Variants in ADGRL3 observed in about 807,000 individuals in gnomAD.
ADGRL3 encodes the protein calcium-independent alpha-latrotoxin receptor 3.
A neutral mutation model predicts 153.5 loss-of-function variants in ADGRL3; 62 were observed. The observed-to-expected ratio is 0.40, with a 90% CI of 0.33 to 0.50. ADGRL3 has a LOEUF of 0.50. Among genes scored for constraint, ADGRL3 ranks in the 20% least tolerant of loss-of-function variants. The probability of loss-of-function intolerance (pLI) is 0.47; values close to 1 mark genes in which losing one functional copy is unlikely to be tolerated. For missense variants in ADGRL3, 1,641 were observed against 1,859.4 expected (o/e 0.88, Z 2.16); for synonymous variants, 710 against 672.5 (o/e 1.06, Z -0.86).
intron 4 of ADGRL3, among the ~76,000 whole-genome samples, chr4:61,560,369 C>T (rs1422619898): frequency 6.6e-6 from 1 of 151,982 alleles, no homozygotes; most frequent in Non-Finnish European, 1.5e-5. Flanking sequence ...ATTTCCTTTC[C>T]ACTTCAAAGT....
chr4:61,936,952 A>C (rs190993335), intron 15 of ADGRL3, among the ~76,000 whole-genome samples: 121 of 152,314 alleles, frequency 7.9e-4, no homozygotes, highest in Admixed American at 2.9e-3. Flanking sequence ...AATGATATCA[A>C]GAAAAACAAC....
intron 9 of ADGRL3, among the ~76,000 whole-genome samples, chr4:61,848,542 T>G (rs1237105124): frequency 6.6e-6 from 1 of 152,056 alleles, no homozygotes; most frequent in Non-Finnish European, 1.5e-5. Flanking sequence ...TTAATTGAAT[T>G]ACATCTACGA....
chr4:61,536,280 G>A (rs2098655465), intron 4 of ADGRL3, among the ~76,000 whole-genome samples: 1 of 151,984 alleles, frequency 6.6e-6, no homozygotes, highest in Non-Finnish European at 1.5e-5. Flanking sequence ...CGAGTTTATT[G>A]AGACGTGCTT....
intron 4 of ADGRL3, 84 bp from the exon 5 acceptor site, chr4:61,587,143 C>T: frequency 1.2e-6 from 1 of 828,142 alleles, no homozygotes; most frequent in Non-Finnish European, 1.9e-6. Context: ...TGATTTACCC[C>T]AAACATTGGA....
At chr4:61,299,470 A>G (rs1399235435) in intron 1 of ADGRL3, among the ~76,000 whole-genome samples, 1 of 152,218 alleles carries the variant, frequency 6.6e-6, no homozygotes, top group Non-Finnish European at 1.5e-5. Flanking sequence ...ATGCTGACTC[A>G]GATTATCAGT....
chr4:61,760,332 T>C (rs1374656536), intron 8 of ADGRL3, among the ~76,000 whole-genome samples: 1 of 152,148 alleles, frequency 6.6e-6, no homozygotes, highest in East Asian at 1.9e-4. Flanking sequence ...AGCAGCTTTG[T>C]TTACCTACTC....
chr4:61,435,315 G>A lies in ADGRL3; in HGVS notation c.-174+52126G>A, dbSNP rs187832258. Among the ~76,000 whole-genome samples the A allele has an allele frequency of 1.0e-3, 152 of 152,048 alleles. 1 individual carries two copies. Among genetic ancestry groups the A allele is most frequent in the South Asian group, 1.5e-3 (7 of 4,814 alleles). ...AATAGAAGTATGTAATTTTTCCAAA[G>A]GAGTTCATGATCATTACTATAAATA... is the stretch of plus-strand genomic sequence containing the variant. On this transcript the variant is annotated intron_variant, in intron 2 of 26. Coordinates refer to ENST00000683033, the MANE Select transcript of ADGRL3 (RefSeq NM_001387552.1).
chr4:61,909,664 C>A lies in ADGRL3; in HGVS notation c.1992C>A (p.Asp664Glu), dbSNP rs759611747. ...GDITYSVRAM[D>E]QLVGLLDVQL... is the part of the protein sequence containing the mutation. ...TCACCTACTCTGTCCGGGCCATGGACCAGCTGGTAGGCCTCCTAGATGTAC... is the reference window on the plus strand; with the variant it reads ...TCACCTACTCTGTCCGGGCCATGGAACAGCTGGTAGGCCTCCTAGATGTAC... Residue 664 changes from aspartate (D) to glutamate (E), a missense_variant, in exon 12 of 27, where the codon GAC becomes GAA. Physicochemically the swap from Asp to Glu is conservative, Grantham distance 45. Around this residue, in one of 5 missense-constraint regions of ADGRL3, gnomAD observed 734 missense variants for 797.0 expected, o/e 0.92. Coordinates refer to ENST00000683033, the MANE Select transcript of ADGRL3 (RefSeq NM_001387552.1). 3 of 1,609,462 alleles carry A rather than the reference C, an allele frequency of 1.9e-6. No individual in the cohort carries two copies. The highest frequency in any genetic ancestry group is 2.7e-5 in the African/African-American group (2 of 74,742).
At chr4:61,835,729 GA>G (rs1333759793) in intron 9 of ADGRL3, among the ~76,000 whole-genome samples, 3 of 151,780 alleles carry the variant, frequency 2.0e-5, no homozygotes, top group Non-Finnish European at 2.9e-5. Context: ...TCCATGGGGG[GA>G]AAAAACCTCA....
intron 8 of ADGRL3, among the ~76,000 whole-genome samples, chr4:61,742,028 A>C (rs2096586314): frequency 6.6e-6 from 1 of 152,174 alleles, no homozygotes; most frequent in Non-Finnish European, 1.5e-5. Context: ...TGTCCACCAG[A>C]GGGCAGGCAG....
chr4:61,814,348 AAT>A (rs1318088550), intron 9 of ADGRL3, among the ~76,000 whole-genome samples: 2 of 151,958 alleles, frequency 1.3e-5, no homozygotes, highest in Admixed American at 6.6e-5. Flanking sequence ...TAGTTTTTAA[AAT>A]ATGTGTTAAA....
chr4:61,774,568 C>T (rs1396941510), intron 8 of ADGRL3, among the ~76,000 whole-genome samples: 2 of 151,178 alleles, frequency 1.3e-5, no homozygotes, highest in Non-Finnish European at 2.9e-5. Context: ...AATACTATAC[C>T]ATTTTATATC....
intron 8 of ADGRL3, among the ~76,000 whole-genome samples, chr4:61,759,113 T>G (rs979683889): frequency 6.6e-6 from 1 of 152,190 alleles, no homozygotes; most frequent in East Asian, 1.9e-4. Context: ...GCCCTTAACA[T>G]TTTTTCCTTC....
intron 1 of ADGRL3, among the ~76,000 whole-genome samples, chr4:61,243,448 G>C (rs1261568433): frequency 6.6e-6 from 1 of 151,938 alleles, no homozygotes; most frequent in African/African-American, 2.4e-5. Context: ...CCCAATCTCT[G>C]CTTCTCCCTT....
chr4:61,854,248 T>C (rs1186699480), intron 9 of ADGRL3, among the ~76,000 whole-genome samples: 1 of 152,270 alleles, frequency 6.6e-6, no homozygotes, highest in Admixed American at 6.5e-5. Flanking sequence ...GAAGAAACCA[T>C]CCAGCACCCA....
chr4:61,860,236 G>GT (rs1376852636), intron 9 of ADGRL3, among the ~76,000 whole-genome samples: 1 of 151,960 alleles, frequency 6.6e-6, no homozygotes, highest in African/African-American at 2.4e-5. Context: ...ATGTGTGTAT[G>GT]TTTTTTTGGT....
intron 9 of ADGRL3, among the ~76,000 whole-genome samples, chr4:61,853,901 C>T (rs2098235851): frequency 6.6e-6 from 1 of 152,158 alleles, no homozygotes; most frequent in Non-Finnish European, 1.5e-5. Context: ...TATTTATAGC[C>T]TCTTCTCTAT....
chr4:61,523,164 C>G (rs1015554092), intron 4 of ADGRL3, among the ~76,000 whole-genome samples: 2 of 151,964 alleles, frequency 1.3e-5, no homozygotes, highest in Non-Finnish European at 2.9e-5. Context: ...TTTCCTTACT[C>G]CTAAACTTTT....
intron 2 of ADGRL3, among the ~76,000 whole-genome samples, chr4:61,440,012 A>G (rs1002548359): frequency 6.6e-5 from 10 of 152,020 alleles, no homozygotes; most frequent in African/African-American, 2.4e-4. Flanking sequence ...TGCTATACGT[A>G]TCTGTGCTAT....
Sources: gnomAD v4.1 joint callset for allele counts (sites outside exome capture counted in the v4.1 genomes callset) on GRCh38, gnomAD v4.1.1 for gene constraint, gnomAD v4.1.1 regional missense constraint, MANE v1.5 for transcripts, NCBI Gene and HGNC (gene_info 2026-07-23, HGNC 2026-07-21) for gene names.